Variants in GALNT14 observed in about 807,000 individuals in gnomAD.
GALNT14 encodes the protein UDP-GalNAc:polypeptide N-acetylgalactosaminyltransferase 14.
A neutral mutation model predicts 77.5 loss-of-function variants in GALNT14; 60 were observed. The ratio of observed to expected loss-of-function variants is 0.77; its 90% CI spans 0.63 to 0.96. The LOEUF is 0.96. GALNT14 is among the 40% of genes least tolerant of loss of function. The pLI is 0.00. For missense variants in GALNT14, 710 were observed against 731.0 expected (o/e 0.97, Z 0.33); for synonymous variants, 280 against 281.7 (o/e 0.99, Z 0.06).
chr2:31,126,472 G>A (rs1285843322), intron 1 of GALNT14, among the ~76,000 whole-genome samples: 7 of 152,108 alleles, frequency 4.6e-5, no homozygotes, highest in East Asian at 1.9e-4. Flanking sequence ...CTTGGTGTTC[G>A]TCACATGAAA....
intron 1 of GALNT14, among the ~76,000 whole-genome samples, chr2:31,128,976 A>G (rs1396890863): frequency 8.5e-6 from 1 of 117,206 alleles, no homozygotes; most frequent in African/African-American, 4.3e-5. Context: ...TGAAAAAAAA[A>G]AAAAACACAC....
intron 1 of GALNT14, among the ~76,000 whole-genome samples, chr2:31,013,454 G>T (rs532674693): frequency 6.6e-6 from 1 of 152,264 alleles, no homozygotes; most frequent in South Asian, 2.1e-4. Flanking sequence ...CCTACAGAAG[G>T]GGAAATGTTC....
the GALNT14 span, among the ~76,000 whole-genome samples, chr2:30,889,076 C>T: frequency 1.3e-5 from 2 of 152,108 alleles, no homozygotes; most frequent in Non-Finnish European, 2.9e-5. Context: ...TGTCACCACC[C>T]CTGCGGCTGT....
intron 9 of GALNT14, among the ~76,000 whole-genome samples, chr2:30,941,269 C>CCTCCTACCTG (rs1437368235): frequency 6.6e-6 from 1 of 152,148 alleles, no homozygotes; most frequent in Non-Finnish European, 1.5e-5. Flanking sequence ...TTACAGAGGG[C>CCTCCTACCTG]CTCCTACCTG....
chr2:31,102,076 TTGAG>T (rs1677308051), intron 1 of GALNT14, among the ~76,000 whole-genome samples: 1 of 152,138 alleles, frequency 6.6e-6, no homozygotes, highest in Non-Finnish European at 1.5e-5. Context: ...TAAATTAGTC[TTGAG>T]TATGTCTTTA....
At chr2:30,926,462 T>C (rs1449510847) in intron 11 of GALNT14, among the ~76,000 whole-genome samples, 2 of 152,154 alleles carry the variant, frequency 1.3e-5, no homozygotes, top group African/African-American at 4.8e-5. Context: ...GACATCCTGG[T>C]GGAGGTGTCT....
At chr2:30,916,018 C>G (rs1254820410) in intron 13 of GALNT14, among the ~76,000 whole-genome samples, 1 of 152,118 alleles carries the variant, frequency 6.6e-6, no homozygotes, top group African/African-American at 2.4e-5. Flanking sequence ...CCTCCACAAA[C>G]AAGTTTTATT....
At chr2:30,985,077 T>C (rs1669213173) in intron 2 of GALNT14, among the ~76,000 whole-genome samples, 1 of 151,884 alleles carries the variant, frequency 6.6e-6, no homozygotes, top group Admixed American at 6.6e-5. Flanking sequence ...TGGAGACTAG[T>C]TCCTAACACA....
chr2:30,934,907 C>T lies in GALNT14; in HGVS notation c.932-2713G>A, dbSNP rs183668522. Reference sequence around the variant, plus strand: ...TGGCTGAGGTATCTATTGAGATGGACGGGACATTATCACACCCAAGACATC... The same window carrying T: ...TGGCTGAGGTATCTATTGAGATGGATGGGACATTATCACACCCAAGACATC... On this transcript the variant is annotated intron_variant, in intron 9 of 14. Transcript: ENST00000349752. 1.5e-3 allele frequency among the ~76,000 whole-genome samples: 225 copies of T among 152,320 alleles called. 4 individuals are homozygous for T. The highest frequency in any genetic ancestry group is 3.4e-3 in the Middle Eastern group (1 of 294).
chr2:30,928,145 G>A (rs1665501551), intron 11 of GALNT14, among the ~76,000 whole-genome samples: 1 of 152,168 alleles, frequency 6.6e-6, no homozygotes, highest in Admixed American at 6.5e-5. Flanking sequence ...TGGAGTGAGA[G>A]AACCTGAGGG....
the GALNT14 span, among the ~76,000 whole-genome samples, chr2:30,893,333 G>A: frequency 1.3e-5 from 2 of 152,144 alleles, no homozygotes; most frequent in Non-Finnish European, 2.9e-5. Flanking sequence ...ATTATGACAT[G>A]TTGGAAAATT....
chr2:30,951,709 G>T (rs1558435539), intron 6 of GALNT14, among the ~76,000 whole-genome samples: 1 of 152,142 alleles, frequency 6.6e-6, no homozygotes, highest in Non-Finnish European at 1.5e-5. Flanking sequence ...AAATCAGTTT[G>T]GGGGCAGTGG....
chr2:30,930,895 T>A (rs2148249742), intron 10 of GALNT14, among the ~76,000 whole-genome samples: 1 of 152,332 alleles, frequency 6.6e-6, no homozygotes, highest in South Asian at 2.1e-4. Context: ...CCTACCAGTG[T>A]CATGCAGGAT....
At chr2:30,911,643 C>T (rs1470952415) in intron 14 of GALNT14, among the ~76,000 whole-genome samples, 1 of 152,172 alleles carries the variant, frequency 6.6e-6, no homozygotes, top group East Asian at 1.9e-4. Context: ...ACATTCTCAA[C>T]CCCATTTCAG....
chr2:30,905,774 TTGAAA>T (rs1197579942), downstream of GALNT14, among the ~76,000 whole-genome samples: 1 of 147,452 alleles, frequency 6.8e-6, no homozygotes, highest in Non-Finnish European at 1.5e-5. Context: ...TTCACCAAAG[TTGAAA>T]TGAAGGAAAA....
chr2:30,903,164 T>C, the GALNT14 span, among the ~76,000 whole-genome samples: 19 of 152,352 alleles, frequency 1.2e-4, no homozygotes, highest in South Asian at 3.9e-3. Flanking sequence ...CTCTTTACTT[T>C]CCAAGTCTAT....
chr2:30,921,877 C>A (rs1665053546), intron 13 of GALNT14, among the ~76,000 whole-genome samples: 1 of 152,180 alleles, frequency 6.6e-6, no homozygotes, highest in Non-Finnish European at 1.5e-5. Context: ...GCTAGGGATG[C>A]TGCTAGACTT....
chr2:31,079,458 G>A (rs535158585), intron 1 of GALNT14, among the ~76,000 whole-genome samples: 4 of 152,258 alleles, frequency 2.6e-5, no homozygotes, highest in South Asian at 4.2e-4. Context: ...CAGGCTGTAC[G>A]GGAGATCAAG....
At chr2:31,095,020 G>C (rs1301524462) in intron 1 of GALNT14, among the ~76,000 whole-genome samples, 1 of 152,196 alleles carries the variant, frequency 6.6e-6, no homozygotes, top group Non-Finnish European at 1.5e-5. Context: ...CAAGTCTGGA[G>C]TGAAGTCAAT....
Sources: gnomAD v4.1 joint callset for allele counts (sites outside exome capture counted in the v4.1 genomes callset) on GRCh38, gnomAD v4.1.1 for gene constraint, MANE v1.5 for transcripts, NCBI Gene and HGNC (gene_info 2026-07-23, HGNC 2026-07-21) for gene names.